CCN1: variants seen among roughly 807,000 people sequenced by gnomAD.
CCN1 encodes cellular communication network factor 1, also known as CCN family member 1.
A neutral mutation model predicts 38.1 loss-of-function variants in CCN1; 12 were observed. The observed-to-expected ratio is 0.31, with a 90% CI of 0.20 to 0.51. CCN1 has a LOEUF of 0.51. CCN1 is among the 20% of genes least tolerant of loss of function. The pLI, the probability that CCN1 is intolerant of heterozygous loss-of-function variation, is 0.97. For missense variants in CCN1, 466 were observed against 490.9 expected, an observed-to-expected ratio of 0.95 and a Z score of 0.48; for synonymous variants, 202 against 196.1, an observed-to-expected ratio of 1.03 and a Z score of -0.25.
In CCN1 at chr1:85,583,121, CG is replaced by C; in HGVS notation, c.*84del. The C allele has an allele frequency of 7.0e-7, 1 of 1,425,574 alleles. No individual in the cohort carries two copies. 88.3% of individuals were successfully genotyped at this position (1,425,574 alleles called of 1,614,324 possible). On this transcript the variant is annotated 3_prime_UTR_variant, in exon 5 of 5. Coordinates refer to ENST00000451137, the MANE Select transcript of CCN1 (RefSeq NM_001554.5). ...GAATCAGAATCATGGAGAAAATGGG[CG>C]GGGGTGGTGTGGGTGATGGGACTCA...
chr1:85,582,714 C>T, intron 4 of CCN1, 26 bp from the exon 5 acceptor site: 2 of 1,612,418 alleles, frequency 1.2e-6, no homozygotes, highest in Non-Finnish European at 1.7e-6. Context: ...TCACCCCTAA[C>T]TTTCCTTCTC....
Position 85,583,147 on chromosome 1 carries a change from A to C in CCN1, c.*105A>C. 4.9e-6 allele frequency: 6 copies of C among 1,231,554 alleles called. No homozygotes were observed. The highest frequency in any genetic ancestry group is 6.8e-6 in the Non-Finnish European group (6 of 880,338). 76.3% of individuals were successfully genotyped at this position (1,231,554 alleles called of 1,614,324 possible). On this transcript the variant is annotated 3_prime_UTR_variant, in exon 5 of 5. Coordinates refer to ENST00000451137, the MANE Select transcript of CCN1 (RefSeq NM_001554.5). ...GGGGGTGGTGTGGGTGATGGGACTCATTGTAGAAAGGAAGCCTTGCTCATT... is the reference window on the plus strand; with the variant it reads ...GGGGGTGGTGTGGGTGATGGGACTCCTTGTAGAAAGGAAGCCTTGCTCATT...
At position 85,583,901 on chromosome 1, in the gene CCN1, T is replaced by C. The variant is rs1427167876; in HGVS notation, c.*859T>C. 6.6e-6 allele frequency: 1 copy of C among 152,200 alleles called. No individual in the cohort carries two copies. The highest frequency in any genetic ancestry group is 1.5e-5 in the Non-Finnish European group (1 of 68,034). 9.4% of individuals were successfully genotyped at this position (152,200 alleles called of 1,614,324 possible). Reference sequence around the variant, plus strand: ...CATATAAAGTAATGTTTAAAAAACATGTATTGAACACGACATTGTATGAAG... The same window carrying C: ...CATATAAAGTAATGTTTAAAAAACACGTATTGAACACGACATTGTATGAAG... On this transcript the variant is annotated 3_prime_UTR_variant, in exon 5 of 5. Coordinates refer to ENST00000451137, the MANE Select transcript of CCN1 (RefSeq NM_001554.5).
chr1:85,581,659 A>G, intron 2 of CCN1, 81 bp downstream of exon 2: 1 of 1,483,438 alleles, frequency 6.7e-7, no homozygotes, highest in Non-Finnish European at 9.2e-7. Flanking sequence ...GAGACCATGT[A>G]TGGTGATGCT....
chr1:85,581,098 C>T (rs759868099), intron 1 of CCN1, 51 bp downstream of exon 1: 7 of 1,548,186 alleles, frequency 4.5e-6, no homozygotes, highest in Middle Eastern at 1.7e-4. Context: ...TCTCCAGCCC[C>T]TTCCCCTGGT....
In CCN1 at chr1:85,582,523, T is replaced by G; in HGVS notation, c.742T>G (p.Ser248Ala). ...CTCAAAGACCTGTGGAACTGGTATC[T>G]CCACACGAGTTACCAATGACAACCC... ...QCSKTCGTGI[S>A]TRVTNDNPEC... Residue 248 changes from serine to alanine, a missense_variant, in exon 4 of 5, where the codon TCC (serine) becomes GCC (alanine). Physicochemically the swap from Ser to Ala is moderately conservative, Grantham distance 99. Coordinates refer to ENST00000451137, the MANE Select transcript of CCN1 (RefSeq NM_001554.5). 2 of 1,614,126 alleles carry G rather than the reference T, an allele frequency of 1.2e-6. No homozygotes were observed. Among genetic ancestry groups the G allele is most frequent in the Non-Finnish European group, 1.7e-6 (2 of 1,180,028 alleles).
chr1:85,581,182 C>T (rs1659783199), intron 1 of CCN1, 135 bp downstream of exon 1: 1 of 1,213,100 alleles, frequency 8.2e-7, no homozygotes, highest in Non-Finnish European at 1.1e-6. Flanking sequence ...TAAGCACTCT[C>T]CCCCTCCCCC....
In CCN1 at chr1:85,580,917, T is replaced by TCCGCTGCACACCAGCTTGTTGGCGTCTG; in HGVS notation, c.-41_-40insGCCGCTGCACACCAGCTTGTTGGCGTCT. The TCCGCTGCACACCAGCTTGTTGGCGTCTG allele has an allele frequency of 7.6e-6, 11 of 1,442,234 alleles. No homozygotes were observed. Among genetic ancestry groups the TCCGCTGCACACCAGCTTGTTGGCGTCTG allele is most frequent in the Non-Finnish European group, 1.0e-5 (11 of 1,094,152 alleles). 89.3% of individuals were successfully genotyped at this position (1,442,234 alleles called of 1,614,324 possible). A position where few individuals can be genotyped will look rare whatever the true frequency, so the allele number is the denominator to read the frequency against. On this transcript the variant is annotated 5_prime_UTR_variant, in exon 1 of 5. Coordinates refer to ENST00000451137, the MANE Select transcript of CCN1 (RefSeq NM_001554.5). ...CCCCGACCCCGCTGCGCACGGCCTG[T>TCCGCTGCACACCAGCTTGTTGGCGTCTG]CCGCTGCACACCAGCTTGTTGGCGT...
intron 2 of CCN1, 167 bp downstream of exon 2, chr1:85,581,745 G>C: frequency 1.8e-6 from 2 of 1,111,474 alleles, no homozygotes; most frequent in Non-Finnish European, 2.7e-6. Context: ...TGGGCCCAAC[G>C]AAAGCGCATA....
chr1:85,581,159 G>A (rs1187433121), intron 1 of CCN1, 112 bp downstream of exon 1: 8 of 1,363,226 alleles, frequency 5.9e-6, no homozygotes, highest in African/African-American at 2.9e-5. Context: ...TCGTTTGCGG[G>A]TAGCCGTTTC....
chr1:85,581,382 C>A lies in CCN1; in HGVS notation c.81C>A (p.Pro27=), dbSNP rs753831998. ...HLTRLALSTC[P]AACHCPLEAP... is the part of the protein sequence containing the mutation. ...CCTTCCAGGCGCTCTCCACCTGCCCCGCTGCCTGCCACTGCCCCCTGGAGG... is the reference window on the plus strand; with the variant it reads ...CCTTCCAGGCGCTCTCCACCTGCCCAGCTGCCTGCCACTGCCCCCTGGAGG... Residue 27 remains proline (P), a synonymous_variant, in exon 2 of 5, where the codon CCC becomes CCA. Transcript: ENST00000451137. 6.3e-7 allele frequency: 1 copy of A among 1,595,260 alleles called. No individual in the cohort carries two copies. Among genetic ancestry groups the A allele is most frequent in the Non-Finnish European group, 8.5e-7 (1 of 1,172,036 alleles).
At chr1:85,581,239 C>A in intron 1 of CCN1, 126 bp from the exon 2 acceptor site, 1 of 1,224,032 alleles carries the variant, frequency 8.2e-7, no homozygotes, top group Non-Finnish European at 1.1e-6. Flanking sequence ...TCCGAGGTGG[C>A]CGGGCTGGAC....
In CCN1 at chr1:85,582,028, C is replaced by A; in HGVS notation, c.378C>A (p.Gly126=). The stretch of plus-strand genomic sequence containing the variant: ...AACATCAGTGCACATGTATTGATGG[C>A]GCCGTGGGCTGCATTCCTCTGTGTC... ...NCKHQCTCID[G]AVGCIPLCPQ... The change falls in exon 3 of 5, where the codon GGC becomes GGA. Residue 126 remains glycine, a synonymous_variant. Transcript: ENST00000451137. 6.2e-7 allele frequency: 1 copy of A among 1,614,156 alleles called. No homozygotes were observed. The highest frequency in any genetic ancestry group is 1.3e-5 in the African/African-American group (1 of 75,040).
In CCN1 at chr1:85,582,296, C is replaced by A. The variant is rs1659807405; in HGVS notation, c.634+12C>A. 1.2e-6 allele frequency: 2 copies of A among 1,614,006 alleles called. No individual in the cohort carries two copies. Among genetic ancestry groups the A allele is most frequent in the Non-Finnish European group, 1.7e-6 (2 of 1,179,886 alleles). ...GAAGCGGCTCCCTGGTAAGTGGAGACTGAGCACTTCAGACACTGTACTGAG... is the reference window on the plus strand; with the variant it reads ...GAAGCGGCTCCCTGGTAAGTGGAGAATGAGCACTTCAGACACTGTACTGAG... On this transcript the variant is annotated intron_variant, in intron 3 of 4. Transcript: ENST00000451137.
intron 2 of CCN1, 121 bp from the exon 3 acceptor site, chr1:85,581,807 A>T (rs1454157754): frequency 8.4e-7 from 1 of 1,192,846 alleles, no homozygotes; most frequent in Non-Finnish European, 1.2e-6. Context: ...GTCTCCGGGG[A>T]ATTGTAGGGA....
In CCN1 at chr1:85,582,495, G is replaced by A; in HGVS notation, c.714G>A (p.Gln238=). The change falls in exon 4 of 5, where the codon CAG becomes CAA. Residue 238 remains glutamine, a synonymous_variant. Coordinates refer to ENST00000451137, the MANE Select transcript of CCN1 (RefSeq NM_001554.5). ...KCIVQTTSWS[Q]CSKTCGTGIS... ...TTGTTCAAACAACTTCATGGTCCCAGTGCTCAAAGACCTGTGGAACTGGTA... is the reference window on the plus strand; with the variant it reads ...TTGTTCAAACAACTTCATGGTCCCAATGCTCAAAGACCTGTGGAACTGGTA... 6.2e-7 allele frequency: 1 copy of A among 1,614,148 alleles called. No homozygotes were observed. The highest frequency in any genetic ancestry group is 8.5e-7 in the Non-Finnish European group (1 of 1,180,042).
In CCN1 at chr1:85,582,029, G is replaced by A. The variant is rs767242673; in HGVS notation, c.379G>A (p.Ala127Thr). The change falls in exon 3 of 5, where the codon GCC becomes ACC. Residue 127 changes from alanine to threonine, a missense_variant. By Grantham distance (58) the Ala-to-Thr change is moderately conservative (BLOSUM62 0). Coordinates refer to ENST00000451137, the MANE Select transcript of CCN1 (RefSeq NM_001554.5). ...CKHQCTCIDG[A>T]VGCIPLCPQE... ...ACATCAGTGCACATGTATTGATGGCGCCGTGGGCTGCATTCCTCTGTGTCC... is the reference window on the plus strand; with the variant it reads ...ACATCAGTGCACATGTATTGATGGCACCGTGGGCTGCATTCCTCTGTGTCC... 1.1e-5 allele frequency: 17 copies of A among 1,614,118 alleles called. No homozygotes were observed. The highest frequency in any genetic ancestry group is 1.4e-5 in the Non-Finnish European group (17 of 1,180,028).
rs1185063155 is a variant in CCN1, at chr1:85,582,615, C to A, written c.834C>A (p.Ser278Arg). The A allele has an allele frequency of 1.2e-6, 2 of 1,614,172 alleles. No homozygotes were observed. The highest frequency in any genetic ancestry group is 1.1e-5 in the South Asian group (1 of 91,082). Residue 278 changes from serine to arginine, a missense_variant, in exon 4 of 5, where the codon AGC becomes AGA. By Grantham distance (110) the Ser-to-Arg change is moderately radical. Transcript: ENST00000451137. ...EVRPCGQPVY[S>R]SLKKGKKCSK... Reference sequence around the variant, plus strand: ...GGCCTTGTGGACAGCCAGTGTACAGCAGCCTGAAAGTAAGTTCCTTCAGGG... The same window carrying A: ...GGCCTTGTGGACAGCCAGTGTACAGAAGCCTGAAAGTAAGTTCCTTCAGGG...
chr1:85,581,806 G>A (rs760887647), intron 2 of CCN1, 122 bp from the exon 3 acceptor site: 10 of 1,189,578 alleles, frequency 8.4e-6, no homozygotes, highest in East Asian at 7.0e-5. Flanking sequence ...AGTCTCCGGG[G>A]AATTGTAGGG....
Sources: allele counts gnomAD v4.1 joint callset, GRCh38; gene constraint gnomAD v4.1.1; transcripts MANE v1.5; gene names NCBI Gene and HGNC (gene_info 2026-07-23, HGNC 2026-07-21).